Variants in MAPKAPK3 observed in about 807,000 individuals in gnomAD.
The protein encoded by MAPKAPK3 is MAPK activated protein kinase 3.
MAPKAPK3 carries 35 observed loss-of-function variants against 49.2 expected under a neutral mutation model. The observed-to-expected ratio is 0.71, with a 90% CI of 0.54 to 0.94. The LOEUF (loss-of-function observed/expected upper bound fraction) is 0.94, where lower values mean the gene tolerates loss of function less well. MAPKAPK3 is among the 40% of genes least tolerant of loss of function. MAPKAPK3 has a pLI of 0.00. For synonymous variants in MAPKAPK3, 178 were observed against 188.7 expected, an observed-to-expected ratio of 0.94 and a Z score of 0.46; for missense variants, 398 against 493.1, an observed-to-expected ratio of 0.81 and a Z score of 1.83.
At chr3:50,642,838 T>TTTTGTTTTG (rs1430084333) in intron 5 of MAPKAPK3, among the ~76,000 whole-genome samples, 3 of 152,150 alleles carry the variant, frequency 2.0e-5, no homozygotes, top group African/African-American at 7.2e-5. Flanking sequence ...TGTTGGTTTT[T>TTTTGTTTTG]TTTGTTTTGT....
At chr3:50,646,956 A>C in intron 9 of MAPKAPK3, 131 bp downstream of exon 9, 2 of 1,040,988 alleles carry the variant, frequency 1.9e-6, no homozygotes, top group Non-Finnish European at 2.9e-6. Context: ...GGTAGATACT[A>C]GGGCCTCACC....
intron 4 of MAPKAPK3, among the ~76,000 whole-genome samples, chr3:50,641,992 T>G (rs1248880618): frequency 6.6e-6 from 1 of 152,182 alleles, no homozygotes; most frequent in Non-Finnish European, 1.5e-5. Context: ...CAAAGCCTCT[T>G]GATGCTGTCT....
At chr3:50,634,759 A>C (rs532933705) in intron 2 of MAPKAPK3, among the ~76,000 whole-genome samples, 3 of 152,152 alleles carry the variant, frequency 2.0e-5, no homozygotes, top group Non-Finnish European at 4.4e-5. Context: ...CCAAAATGTT[A>C]GGATTACAGG....
intron 2 of MAPKAPK3, among the ~76,000 whole-genome samples, chr3:50,635,912 G>A (rs910430335): frequency 1.0e-5 from 1 of 96,886 alleles, no homozygotes; most frequent in African/African-American, 4.6e-5. Context: ...ATAAAACCCC[G>A]TCTCTACCAA....
chr3:50,640,867 C>T (rs2033163710), intron 3 of MAPKAPK3, among the ~76,000 whole-genome samples: 1 of 152,204 alleles, frequency 6.6e-6, no homozygotes, highest in South Asian at 2.1e-4. Flanking sequence ...AGCTTTCTCT[C>T]CTTTTGACCT....
chr3:50,639,597 G>A (rs2033125812), intron 2 of MAPKAPK3, among the ~76,000 whole-genome samples: 1 of 152,254 alleles, frequency 6.6e-6, no homozygotes, highest in East Asian at 1.9e-4. Flanking sequence ...CCCACTCCTG[G>A]AGAATCTGAA....
intron 2 of MAPKAPK3, among the ~76,000 whole-genome samples, chr3:50,629,525 T>C (rs1211266910): frequency 6.6e-6 from 1 of 152,200 alleles, no homozygotes; most frequent in Non-Finnish European, 1.5e-5. Context: ...ACAGGAGTAT[T>C]AGCACTATCC....
At chr3:50,635,005 C>T (rs974659084) in intron 2 of MAPKAPK3, among the ~76,000 whole-genome samples, 1 of 152,198 alleles carries the variant, frequency 6.6e-6, no homozygotes, top group Admixed American at 6.5e-5. Context: ...TTATCTCCCC[C>T]ACCCTATATA....
upstream of MAPKAPK3, among the ~76,000 whole-genome samples, chr3:50,613,271 C>A (rs980802212): frequency 6.6e-6 from 1 of 152,196 alleles, no homozygotes; most frequent in African/African-American, 2.4e-5. Flanking sequence ...GTTTGCTCTG[C>A]CCAGAATGGC....
chr3:50,623,568 A>ACAGTTTTTC (rs2032663168), intron 2 of MAPKAPK3, among the ~76,000 whole-genome samples: 2 of 152,164 alleles, frequency 1.3e-5, no homozygotes, highest in Non-Finnish European at 2.9e-5. Flanking sequence ...TAAACGGCTA[A>ACAGTTTTTC]CAGTTTTTCA....
At chr3:50,623,333 A>C (rs2032655332) in intron 2 of MAPKAPK3, among the ~76,000 whole-genome samples, 1 of 152,234 alleles carries the variant, frequency 6.6e-6, no homozygotes, top group African/African-American at 2.4e-5. Context: ...GAGGGCATCA[A>C]ACCCTACAAA....
intron 2 of MAPKAPK3, among the ~76,000 whole-genome samples, chr3:50,618,978 C>G (rs935873731): frequency 1.3e-5 from 2 of 152,192 alleles, no homozygotes; most frequent in Non-Finnish European, 2.9e-5. Flanking sequence ...CGTGAGCCAC[C>G]GTGCCCGGCC....
chr3:50,639,960 C>G (rs1431156877), intron 2 of MAPKAPK3, among the ~76,000 whole-genome samples: 2 of 152,236 alleles, frequency 1.3e-5, no homozygotes, highest in Non-Finnish European at 2.9e-5. Flanking sequence ...GGAAATGGAA[C>G]AGCTGTGTCA....
rs1302785990 is a variant in MAPKAPK3 at position 50,647,171 on chromosome 3, CAGG to C, written c.969_971del (p.Glu323del). ...CCCACTCCACACGGCCCGAGTGCTGCAGGAGGACAAAGACCACTGGGACGAAGT... is the reference window on the plus strand; with the variant it reads ...CCCACTCCACACGGCCCGAGTGCTGCAGGACAAAGACCACTGGGACGAAGT... On this transcript the variant is annotated inframe_deletion, in exon 10 of 11. Coordinates refer to ENST00000621469, the MANE Select transcript of MAPKAPK3 (RefSeq NM_001243925.2). 1.3e-6 allele frequency: 2 copies of C among 1,597,356 alleles called. No individual in the cohort carries two copies. Among genetic ancestry groups the C allele is most frequent in the Non-Finnish European group, 1.7e-6 (2 of 1,171,930 alleles).
At chr3:50,647,826 G>A (rs2033340812) in intron 10 of MAPKAPK3, 68 bp from the exon 11 acceptor site, 6 of 1,472,224 alleles carry the variant, frequency 4.1e-6, no homozygotes, top group Non-Finnish European at 5.5e-6. Context: ...TGCCCAGGCA[G>A]GGGGGTGATG....
chr3:50,611,772 A>G (rs948009587), upstream of MAPKAPK3: 5 of 1,316,564 alleles, frequency 3.8e-6, no homozygotes, highest in African/African-American at 7.8e-5. Flanking sequence ...CAGGACAGGG[A>G]CTGAGAGGCA....
In MAPKAPK3 at chr3:50,646,235, A is replaced by G. The variant is rs1337584009; in HGVS notation, c.800A>G (p.Asn267Ser). The change falls in exon 8 of 11, where the codon AAT becomes AGT. Residue 267 changes from asparagine (N) to serine (S), a missense_variant. Physicochemically the swap from Asn to Ser is conservative, Grantham distance 46. Coordinates refer to ENST00000621469, the MANE Select transcript of MAPKAPK3 (RefSeq NM_001243925.2). ...CGCCTGGGCCAGTACGGCTTCCCCA[A>G]TCCTGAGTGGTCAGAAGTCTCTGAG... Reference protein sequence around the residue: ...RIRLGQYGFPNPEWSEVSEDA... With the variant: ...RIRLGQYGFPSPEWSEVSEDA... 14 of 1,613,986 alleles carry G rather than the reference A, an allele frequency of 8.7e-6. No homozygotes were observed. The highest frequency in any genetic ancestry group is 1.7e-5 in the Admixed American group (1 of 60,000).
chr3:50,624,497 G>A (rs1441931620), intron 2 of MAPKAPK3, among the ~76,000 whole-genome samples: 1 of 152,206 alleles, frequency 6.6e-6, no homozygotes, highest in East Asian at 1.9e-4. Flanking sequence ...AGAGGCGTTT[G>A]TGTAGGGCCT....
upstream of MAPKAPK3, chr3:50,611,700 C>G (rs2032332571): frequency 2.1e-6 from 3 of 1,450,176 alleles, no homozygotes; most frequent in African/African-American, 1.5e-5. Flanking sequence ...TGGACGGCGG[C>G]GGCTGGAGGG....
Sources: gnomAD v4.1 joint callset for allele counts (sites outside exome capture counted in the v4.1 genomes callset) on GRCh38, gnomAD v4.1.1 for gene constraint, MANE v1.5 for transcripts, NCBI Gene and HGNC (gene_info 2026-07-23, HGNC 2026-07-21) for gene names.